PRR9: variants seen among roughly 807,000 people sequenced by gnomAD.
PRR9 encodes the protein proline rich 9.
PRR9 carries 3 observed loss-of-function variants against 2.6 expected under a neutral mutation model. That is an observed-to-expected ratio of 1.15 (90% CI 0.53 to 2.98). The LOEUF is 2.98. PRR9 is among the 30% of genes most tolerant of loss of function. PRR9 has a pLI of 0.03. For missense variants in PRR9, 141 were observed against 132.0 expected (o/e 1.07, Z -0.33); for synonymous variants, 48 against 50.4 (o/e 0.95, Z 0.20).
chr1:153,218,035 C>G, intron 1 of PRR9, 90 bp from the exon 2 acceptor site: 1 of 831,856 alleles, frequency 1.2e-6, no homozygotes. Context: ...CTTCCATCCA[C>G]TCCTCATTCC....
intron 1 of PRR9, 51 bp downstream of exon 1, chr1:153,217,670 G>T (rs1329094): frequency 0.19 from 29,414 of 155,630 alleles, 2,849 homozygotes; most frequent in Middle Eastern, 0.2. Context: ...GTCTTTAGGC[G>T]GCCGCTGTTC....
rs1275326177 is a variant in PRR9, at chr1:153,218,510, T to C, written c.*15T>C. The C allele has an allele frequency of 1.3e-6, 2 of 1,535,184 alleles. No individual in the cohort carries two copies. Among genetic ancestry groups the C allele is most frequent in the Admixed American group, 2.0e-5 (1 of 50,320 alleles). ...AGGGAAAGTAGCTGCTCATATGTCA[T>C]CTGGGTTCAAGAAGATGGCCAGCAG... On this transcript the variant is annotated 3_prime_UTR_variant, in exon 2 of 2. Coordinates refer to ENST00000368744, the MANE Select transcript of PRR9 (RefSeq NM_001195571.2).
Position 153,218,306 on chromosome 1 carries a change from T to G in PRR9, c.162T>G (p.Leu54=). Residue 54 remains leucine (L), a synonymous_variant, in exon 2 of 2, where the codon CTT becomes CTG. Transcript: ENST00000368744. ...TAGTGCAGGCCCAGGAGGTATGTCT[T>G]TCTCAGTGCCAGGAATCAAGTCAAG... ...KCLVQAQEVC[L]SQCQESSQEK... 1 of 1,550,546 alleles carries G rather than the reference T, an allele frequency of 6.4e-7. No homozygotes were observed. The highest frequency in any genetic ancestry group is 1.2e-5 in the South Asian group (1 of 84,062).
In PRR9 at chr1:153,218,569, CCTT is replaced by C; in HGVS notation, c.*80_*82del. On this transcript the variant is annotated 3_prime_UTR_variant, in exon 2 of 2. Transcript: ENST00000368744. ...CTGACCCCAGCCCACGCTCTGGTGA[CCTT>C]CTTCTGTGGGTACCTCTGTGTGCAA... 1 of 1,114,420 alleles carries C rather than the reference CCTT, an allele frequency of 9.0e-7. No homozygotes were observed. The highest frequency in any genetic ancestry group is 1.3e-6 in the Non-Finnish European group (1 of 776,136). 69.0% of individuals were successfully genotyped at this position (1,114,420 alleles called of 1,614,324 possible).
Position 153,218,591 on chromosome 1 carries a change from T to A in PRR9, c.*96T>A, listed in dbSNP as rs41264614. On this transcript the variant is annotated 3_prime_UTR_variant, in exon 2 of 2. Coordinates refer to ENST00000368744, the MANE Select transcript of PRR9 (RefSeq NM_001195571.2). Reference sequence around the variant, plus strand: ...TGACCTTCTTCTGTGGGTACCTCTGTGTGCAATGTACCTTCTTGCCTCCTG... The same window carrying A: ...TGACCTTCTTCTGTGGGTACCTCTGAGTGCAATGTACCTTCTTGCCTCCTG... The A allele has an allele frequency of 1.2e-6, 1 of 837,804 alleles. No individual in the cohort carries two copies. Among genetic ancestry groups the A allele is most frequent in the Non-Finnish European group, 1.9e-6 (1 of 532,756 alleles). 51.9% of individuals were successfully genotyped at this position (837,804 alleles called of 1,614,324 possible).
Position 153,218,813 on chromosome 1 carries a change from GT to G in PRR9, c.*319del. The G allele has an allele frequency of 3.7e-6, 1 of 269,516 alleles. No homozygotes were observed. The highest frequency in any genetic ancestry group is 7.5e-6 in the Non-Finnish European group (1 of 133,470). 16.7% of individuals were successfully genotyped at this position (269,516 alleles called of 1,614,324 possible). ...CAAAAATTCACCCAGCTCTGGGTGT[GT>G]AACAGCCAAGGATACCTTCATTCAT... is the stretch of plus-strand genomic sequence containing the variant. On this transcript the variant is annotated 3_prime_UTR_variant, in exon 2 of 2. Transcript: ENST00000368744.
intron 1 of PRR9, among the ~76,000 whole-genome samples, chr1:153,217,923 C>T (rs1180789899): frequency 6.6e-6 from 1 of 152,150 alleles, no homozygotes; most frequent in Non-Finnish European, 1.5e-5. Context: ...ACTTTGGAGA[C>T]AGGTGCCACA....
rs1423180299 is a variant in PRR9 at position 153,218,150 on chromosome 1, C to T, written c.6C>T (p.Ser2=). The T allele has an allele frequency of 6.5e-7, 1 of 1,543,376 alleles. No individual in the cohort carries two copies. The highest frequency in any genetic ancestry group is 2.0e-5 in the Admixed American group (1 of 50,070). The change falls in exon 2 of 2, where the codon TCC becomes TCT. Residue 2 remains serine, a synonymous_variant. Transcript: ENST00000368744. ...GCTCTGCAAATCACCCTAGGATGTC[C>T]TTCAGTGAGCAGCAGTGCAAGCAGC... The part of the protein sequence containing the change: M[S]FSEQQCKQPC...
chr1:153,218,379 G>A lies in PRR9; in HGVS notation c.235G>A (p.Asp79Asn). 1.3e-6 allele frequency: 2 copies of A among 1,550,674 alleles called. No homozygotes were observed. The highest frequency in any genetic ancestry group is 1.7e-6 in the Non-Finnish European group (2 of 1,147,024). Reference protein sequence around the residue: ...GQEPYLPPCQDQCPPQCAEPC... With the variant: ...GQEPYLPPCQNQCPPQCAEPC... ...AGAGCCATACCTACCTCCATGCCAA[G>A]ACCAGTGTCCACCTCAGTGTGCAGA... Residue 79 changes from aspartate (D) to asparagine (N), a missense_variant, in exon 2 of 2, where the codon GAC becomes AAC. Asp to Asn is a conservative substitution (Grantham distance 23). Coordinates refer to ENST00000368744, the MANE Select transcript of PRR9 (RefSeq NM_001195571.2).
chr1:153,218,278 G>A lies in PRR9; in HGVS notation c.134G>A (p.Cys45Tyr). The A allele has an allele frequency of 1.3e-6, 2 of 1,550,594 alleles. No homozygotes were observed. Among genetic ancestry groups the A allele is most frequent in the Non-Finnish European group, 1.7e-6 (2 of 1,146,994 alleles). ...PTCQHPCQDKCLVQAQEVCLS... is the reference protein window; with the variant it reads ...PTCQHPCQDKYLVQAQEVCLS... ...TGCCAGCACCCCTGCCAAGATAAGT[G>A]TCTAGTGCAGGCCCAGGAGGTATGT... Residue 45 changes from cysteine (C) to tyrosine (Y), a missense_variant, in exon 2 of 2, where the codon TGT becomes TAT. Cys to Tyr is a radical substitution (Grantham distance 194). Coordinates refer to ENST00000368744, the MANE Select transcript of PRR9 (RefSeq NM_001195571.2).
rs1657970912 is a variant in PRR9, at chr1:153,218,420, A to T, written c.276A>T (p.Leu92=). 2 of 1,550,642 alleles carry T rather than the reference A, an allele frequency of 1.3e-6. No individual in the cohort carries two copies. The highest frequency in any genetic ancestry group is 1.7e-6 in the Non-Finnish European group (2 of 1,147,004). ...AGTGTGCAGAGCCATGCCAGGAGCTATTCCAGACAAAATGTGTGGAGGTTT... is the reference window on the plus strand; with the variant it reads ...AGTGTGCAGAGCCATGCCAGGAGCTTTTCCAGACAAAATGTGTGGAGGTTT... ...PPQCAEPCQE[L]FQTKCVEVCP... The change falls in exon 2 of 2, where the codon CTA becomes CTT. Residue 92 remains leucine, a synonymous_variant. Transcript: ENST00000368744.
chr1:153,218,573 C>A lies in PRR9; in HGVS notation c.*78C>A. 9.8e-7 allele frequency: 1 copy of A among 1,023,536 alleles called. No individual in the cohort carries two copies. Among genetic ancestry groups the A allele is most frequent in the Non-Finnish European group, 1.4e-6 (1 of 694,236 alleles). The allele number at this position is 1,023,536 out of a possible 1,614,324, so 63.4% of individuals were successfully genotyped here. ...CCCCAGCCCACGCTCTGGTGACCTT[C>A]TTCTGTGGGTACCTCTGTGTGCAAT... On this transcript the variant is annotated 3_prime_UTR_variant, in exon 2 of 2. Coordinates refer to ENST00000368744, the MANE Select transcript of PRR9 (RefSeq NM_001195571.2).
chr1:153,218,892 G>T lies in PRR9; in HGVS notation c.*397G>T. Reference sequence around the variant, plus strand: ...GCCTCAAAACAAACTGAATTCTGATGGACTTTCCACTTATCACCACCACCA... The same window carrying T: ...GCCTCAAAACAAACTGAATTCTGATTGACTTTCCACTTATCACCACCACCA... On this transcript the variant is annotated 3_prime_UTR_variant, in exon 2 of 2. Coordinates refer to ENST00000368744, the MANE Select transcript of PRR9 (RefSeq NM_001195571.2). 1 of 186,832 alleles carries T rather than the reference G, an allele frequency of 5.4e-6. No individual in the cohort carries two copies. Among genetic ancestry groups the T allele is most frequent in the Non-Finnish European group, 1.2e-5 (1 of 80,574 alleles). The allele number at this position is 186,832 out of a possible 1,614,324, so 11.6% of individuals were successfully genotyped here.
Position 153,218,595 on chromosome 1 carries a change from C to A in PRR9, c.*100C>A. ...CTTCTTCTGTGGGTACCTCTGTGTG[C>A]AATGTACCTTCTTGCCTCCTGGCTT... On this transcript the variant is annotated 3_prime_UTR_variant, in exon 2 of 2. Coordinates refer to ENST00000368744, the MANE Select transcript of PRR9 (RefSeq NM_001195571.2). 1 of 798,814 alleles carries A rather than the reference C, an allele frequency of 1.3e-6. No homozygotes were observed. The highest frequency in any genetic ancestry group is 2.0e-6 in the Non-Finnish European group (1 of 500,262). 49.5% of individuals were successfully genotyped at this position (798,814 alleles called of 1,614,324 possible).
rs1657975341 is a variant in PRR9, at chr1:153,218,587, T to G, written c.*92T>G. On this transcript the variant is annotated 3_prime_UTR_variant, in exon 2 of 2. Coordinates refer to ENST00000368744, the MANE Select transcript of PRR9 (RefSeq NM_001195571.2). ...CTGGTGACCTTCTTCTGTGGGTACC[T>G]CTGTGTGCAATGTACCTTCTTGCCT... 1 of 886,158 alleles carries G rather than the reference T, an allele frequency of 1.1e-6. No homozygotes were observed. Among genetic ancestry groups the G allele is most frequent in the Non-Finnish European group, 1.7e-6 (1 of 575,074 alleles). The allele number at this position is 886,158 out of a possible 1,614,324, so 54.9% of individuals were successfully genotyped here.
At position 153,218,439 on chromosome 1, in the gene PRR9, G is replaced by C; in HGVS notation, c.295G>C (p.Glu99Gln). ...GGAGCTATTCCAGACAAAATGTGTG[G>C]AGGTTTGCCCACAGAAAGTCCAGGA... is the stretch of plus-strand genomic sequence containing the variant. ...CQELFQTKCV[E>Q]VCPQKVQEKC... The change falls in exon 2 of 2, where the codon GAG becomes CAG. Residue 99 changes from glutamate (E) to glutamine (Q), a missense_variant. Coordinates refer to ENST00000368744, the MANE Select transcript of PRR9 (RefSeq NM_001195571.2). 1 of 1,550,600 alleles carries C rather than the reference G, an allele frequency of 6.4e-7. No homozygotes were observed. The highest frequency in any genetic ancestry group is 8.7e-7 in the Non-Finnish European group (1 of 1,147,008).
At position 153,218,959 on chromosome 1, in the gene PRR9, C is replaced by T. The variant is rs768774680; in HGVS notation, c.*464C>T. The T allele has an allele frequency of 1.2e-5, 2 of 171,394 alleles. No homozygotes were observed. The highest frequency in any genetic ancestry group is 1.9e-4 in the East Asian group (1 of 5,270). 10.6% of individuals were successfully genotyped at this position (171,394 alleles called of 1,614,324 possible). On this transcript the variant is annotated 3_prime_UTR_variant, in exon 2 of 2. Coordinates refer to ENST00000368744, the MANE Select transcript of PRR9 (RefSeq NM_001195571.2). ...CACCACCACAGGTGTTGAGACAAAG[C>T]GGCTTGCGGTGTTTCAAAAATCAAA...
chr1:153,218,405 G>C lies in PRR9; in HGVS notation c.261G>C (p.Glu87Asp). 1 of 1,550,670 alleles carries C rather than the reference G, an allele frequency of 6.4e-7. No homozygotes were observed. Among genetic ancestry groups the C allele is most frequent in the Non-Finnish European group, 8.7e-7 (1 of 1,147,022 alleles). ...CQDQCPPQCAEPCQELFQTKC... is the reference protein window; with the variant it reads ...CQDQCPPQCADPCQELFQTKC... ...ACCAGTGTCCACCTCAGTGTGCAGA[G>C]CCATGCCAGGAGCTATTCCAGACAA... The change falls in exon 2 of 2, where the codon GAG (glutamate) becomes GAC (aspartate). Residue 87 changes from glutamate (E) to aspartate (D), a missense_variant. Glu to Asp is a conservative substitution (Grantham distance 45). Coordinates refer to ENST00000368744, the MANE Select transcript of PRR9 (RefSeq NM_001195571.2).
At chr1:153,217,828 G>A (rs1180184708) in intron 1 of PRR9, among the ~76,000 whole-genome samples, 1 of 152,152 alleles carries the variant, frequency 6.6e-6, no homozygotes, top group African/African-American at 2.4e-5. Flanking sequence ...AGGATTCGTA[G>A]ACTAGAAGAG....
Sources: allele counts gnomAD v4.1 joint callset (sites outside exome capture counted in the v4.1 genomes callset), GRCh38; gene constraint gnomAD v4.1.1; transcripts MANE v1.5; gene names NCBI Gene and HGNC (gene_info 2026-07-23, HGNC 2026-07-21).